Variants in GRM1 observed in about 807,000 individuals in gnomAD.
The protein encoded by GRM1 is metabotropic glutamate receptor 1.
Under a neutral mutation model 90.9 loss-of-function variants are expected in GRM1, and 33 were observed. The observed-to-expected ratio is 0.36, with a 90% confidence interval of 0.28 to 0.49. The LOEUF (loss-of-function observed/expected upper bound fraction) is 0.49. Among genes scored for constraint, GRM1 ranks in the 20% least tolerant of loss-of-function variants. The probability of loss-of-function intolerance (pLI) is 0.99; values close to 1 mark genes in which losing one functional copy is unlikely to be tolerated. For missense variants in GRM1, 1,190 were observed against 1,534.3 expected (o/e 0.78, Z 3.75); for synonymous variants, 700 against 613.2 (o/e 1.14, Z -2.09).
chr6:146,289,431 A>T (rs1782898518), intron 2 of GRM1, among the ~76,000 whole-genome samples: 1 of 152,236 alleles, frequency 6.6e-6, no homozygotes, highest in Non-Finnish European at 1.5e-5. Flanking sequence ...TTGTGTTTCA[A>T]GCTAAGTGTT....
chr6:146,049,650 CA>C (rs1791452659), intron 1 of GRM1, among the ~76,000 whole-genome samples: 1 of 137,450 alleles, frequency 7.3e-6, no homozygotes, highest in Non-Finnish European at 1.6e-5. Flanking sequence ...AACCTCCTTT[CA>C]TATCTATCTA....
chr6:146,276,371 C>T (rs980174207), intron 2 of GRM1, among the ~76,000 whole-genome samples: 1 of 152,290 alleles, frequency 6.6e-6, no homozygotes, highest in East Asian at 1.9e-4. Context: ...CTAAAAATTT[C>T]ATTCCAGCCT....
intron 1 of GRM1, among the ~76,000 whole-genome samples, chr6:146,100,927 G>A (rs1777028654): frequency 6.6e-6 from 1 of 152,138 alleles, no homozygotes; most frequent in South Asian, 2.1e-4. Context: ...GTGAGATCCT[G>A]TTTTTAGGGA....
chr6:146,134,623 T>C (rs1162895719), intron 1 of GRM1, among the ~76,000 whole-genome samples: 1 of 152,028 alleles, frequency 6.6e-6, no homozygotes, highest in Non-Finnish European at 1.5e-5. Context: ...TCTTGAGAAC[T>C]CACTCACTAT....
intron 1 of GRM1, among the ~76,000 whole-genome samples, chr6:146,034,917 T>C (rs1790831731): frequency 6.6e-6 from 1 of 151,974 alleles, no homozygotes; most frequent in South Asian, 2.1e-4. Flanking sequence ...GGTTACTAAG[T>C]AGTTTTTACT....
rs3065806 is a variant in GRM1, at chr6:146,423,465, ATTT to A, written c.2661-10395_2661-10393del. ...AAAGGGATCATAAAGGAGATGCTCT[ATTT>A]TTTTTTTTTTTCAAATCTCTCCATC... On this transcript the variant is annotated intron_variant, in intron 7 of 7. Transcript: ENST00000282753. Among the ~76,000 whole-genome samples the A allele has an allele frequency of 1.3e-3, 184 of 145,324 alleles. 1 individual carries two copies. The highest frequency in any genetic ancestry group is 4.5e-3 in the African/African-American group (177 of 39,658).
At chr6:146,351,650 A>G (rs977306513) in intron 3 of GRM1, among the ~76,000 whole-genome samples, 2 of 152,120 alleles carry the variant, frequency 1.3e-5, no homozygotes, top group Non-Finnish European at 2.9e-5. Flanking sequence ...ATCAAGAAAC[A>G]TTTTACCTGA....
intron 5 of GRM1, among the ~76,000 whole-genome samples, chr6:146,364,596 T>C (rs1775607483): frequency 6.6e-6 from 1 of 152,230 alleles, no homozygotes; most frequent in Non-Finnish European, 1.5e-5. Context: ...TCCAGCTGTG[T>C]CTTAAAATTT....
chr6:146,427,498 G>T (rs1778253026), intron 7 of GRM1, among the ~76,000 whole-genome samples: 1 of 152,122 alleles, frequency 6.6e-6, no homozygotes, highest in Admixed American at 6.6e-5. Context: ...CTTCAGATGA[G>T]AAGAGCCCAA....
chr6:146,434,382 T>G lies in GRM1; in HGVS notation c.3171T>G (p.Gly1057=). ...DFHAVLAGPG[G]PGNGLRSLYP... ...ACGCGGTGCTGGCAGGCCCCGGTGG[T>G]CCCGGGAACGGGCTGCGGTCCCTGT... is the stretch of plus-strand genomic sequence containing the variant. The change falls in exon 8 of 8, where the codon GGT becomes GGG. Residue 1057 remains glycine, a synonymous_variant. Coordinates refer to ENST00000282753, the MANE Select transcript of GRM1 (RefSeq NM_001278064.2). 6.2e-7 allele frequency: 1 copy of G among 1,613,044 alleles called. No homozygotes were observed. Among genetic ancestry groups the G allele is most frequent in the South Asian group, 1.1e-5 (1 of 91,004 alleles).
At chr6:146,351,697 G>A (rs528432476) in intron 3 of GRM1, among the ~76,000 whole-genome samples, 4 of 151,782 alleles carry the variant, frequency 2.6e-5, no homozygotes, top group African/African-American at 4.8e-5. Flanking sequence ...TAAATATTTC[G>A]GCCCCATCAA....
chr6:146,298,711 G>A (rs1383791880), intron 2 of GRM1, among the ~76,000 whole-genome samples: 3 of 152,168 alleles, frequency 2.0e-5, no homozygotes, highest in Non-Finnish European at 4.4e-5. Flanking sequence ...TACTGAGTAA[G>A]GTGTGAGGAA....
intron 2 of GRM1, among the ~76,000 whole-genome samples, chr6:146,230,276 G>A (rs1371141712): frequency 6.6e-6 from 1 of 152,060 alleles, no homozygotes; most frequent in Non-Finnish European, 1.5e-5. Flanking sequence ...TCTGATAAAG[G>A]ACTGTTGTCC....
intron 3 of GRM1, among the ~76,000 whole-genome samples, chr6:146,336,888 A>T (rs1379871188): frequency 6.6e-6 from 1 of 152,314 alleles, no homozygotes; most frequent in African/African-American, 2.4e-5. Context: ...CTAAAGAGTG[A>T]TGTCCTGCCC....
At chr6:146,166,694 A>G (rs1287550396) in intron 2 of GRM1, among the ~76,000 whole-genome samples, 1 of 152,268 alleles carries the variant, frequency 6.6e-6, no homozygotes, top group Non-Finnish European at 1.5e-5. Context: ...ACTCAAGGTT[A>G]TGAGTCTAGA....
chr6:146,377,913 C>T (rs1468315289), intron 5 of GRM1, among the ~76,000 whole-genome samples: 5 of 152,096 alleles, frequency 3.3e-5, no homozygotes, highest in South Asian at 2.1e-4. Flanking sequence ...TGTGGTTGCA[C>T]GGAAGTTGGA....
chr6:146,030,198 C>A lies in GRM1; in HGVS notation c.681C>A (p.Val227=), dbSNP rs148483275. The A allele has an allele frequency of 1.6e-5, 26 of 1,611,706 alleles. No homozygotes were observed. Among genetic ancestry groups the A allele is most frequent in the Non-Finnish European group, 2.2e-5 (26 of 1,177,954 alleles). The change falls in exon 1 of 8, where the codon GTC becomes GTA. Residue 227 remains valine (V), a synonymous_variant. Transcript: ENST00000282753. ...TCAAACGTTACAATTGGACCTATGT[C>A]TCTGCAGTCCACACGGAAGGTAGGC... ...DIVKRYNWTY[V]SAVHTEGNYG...
intron 3 of GRM1, among the ~76,000 whole-genome samples, chr6:146,315,757 C>G (rs920960214): frequency 6.6e-6 from 1 of 152,142 alleles, no homozygotes; most frequent in Non-Finnish European, 1.5e-5. Context: ...CTGTCACTGT[C>G]CAAGTTGAGA....
chr6:146,300,960 T>A (rs1783356717), intron 2 of GRM1, among the ~76,000 whole-genome samples: 1 of 152,198 alleles, frequency 6.6e-6, no homozygotes, highest in Admixed American at 6.5e-5. Context: ...AAAAATCCTT[T>A]AAAATTTTCT....
Sources: gnomAD v4.1 joint callset for allele counts (sites outside exome capture counted in the v4.1 genomes callset) on GRCh38, gnomAD v4.1.1 for gene constraint, MANE v1.5 for transcripts, NCBI Gene and HGNC (gene_info 2026-07-23, HGNC 2026-07-21) for gene names.